The following GPR137 variants were observed in gnomAD, a reference collection of about 807,000 sequenced individuals.
The protein encoded by GPR137 is integral membrane protein GPR137.
GPR137 carries 20 observed loss-of-function variants against 38.9 expected under a neutral mutation model. That is an observed-to-expected ratio of 0.51 (90% CI 0.36 to 0.75). GPR137 has a LOEUF of 0.75. GPR137 is among the 30% of genes least tolerant of loss of function. The pLI, the probability that GPR137 is intolerant of heterozygous loss-of-function variation, is 0.00. For missense variants in GPR137, 456 were observed against 526.4 expected (o/e 0.87, Z 1.31); for synonymous variants, 226 against 235.8 (o/e 0.96, Z 0.38).
At position 64,288,508 on chromosome 11, in the gene GPR137, G is replaced by T. The variant is rs1353570975; in HGVS notation, c.912+40G>T. 2 of 1,613,006 alleles carry T rather than the reference G, an allele frequency of 1.2e-6. No individual in the cohort carries two copies. The highest frequency in any genetic ancestry group is 4.5e-5 in the East Asian group (2 of 44,874). ...CCTCTTCTGTGGGGCCAGTGGAGGG[G>T]GCGGATGTTGCAAATCCTGGGTTGG... On this transcript the variant is annotated intron_variant, in intron 5 of 6. Coordinates refer to ENST00000438980, the MANE Select transcript of GPR137 (RefSeq NM_001170880.2). The surrounding 1 kb of genome is among the most constrained non-coding windows in gnomAD (Gnocchi z 5.5).
At chr11:64,285,835 G>T, upstream of GPR137, 1 of 985,154 alleles carries the variant, frequency 1.0e-6, no homozygotes, top group Non-Finnish European at 1.2e-6. Flanking sequence ...CAGGCGCGGA[G>T]GGGGAGGGGG....
At chr11:64,281,252 C>T (rs938050966), upstream of GPR137, among the ~76,000 whole-genome samples, 18 of 152,348 alleles carry the variant, frequency 1.2e-4, no homozygotes, top group Non-Finnish European at 2.4e-4. Context: ...AGGCGTGAGC[C>T]ACCGCGCCCA....
upstream of GPR137, among the ~76,000 whole-genome samples, chr11:64,279,635 T>C (rs1435406749): frequency 1.3e-5 from 2 of 151,502 alleles, no homozygotes; most frequent in South Asian, 2.1e-4. Flanking sequence ...GCATGGTGCA[T>C]GCCTGTAATC....
In GPR137 at chr11:64,288,456, C is replaced by T; in HGVS notation, c.900C>T (p.Pro300=). The T allele has an allele frequency of 1.2e-6, 2 of 1,613,342 alleles. No individual in the cohort carries two copies. The highest frequency in any genetic ancestry group is 1.7e-6 in the Non-Finnish European group (2 of 1,179,934). ...LLVGFFRVHR[P]PQDLSTSHIL... The stretch of plus-strand genomic sequence containing the variant: ...TGGGCTTCTTCCGGGTGCACCGGCC[C>T]CCACAGGACCTGGTAAGGGTCTGCT... The change falls in exon 5 of 7, where the codon CCC becomes CCT. Residue 300 remains proline (P), a synonymous_variant. Transcript: ENST00000438980. This position sits in a 1 kb window ranked among gnomAD's most constrained non-coding sequence, Gnocchi z 5.5.
chr11:64,271,707 C>T (rs1381857792), upstream of GPR137: 3 of 1,471,216 alleles, frequency 2.0e-6, no homozygotes, highest in African/African-American at 1.5e-5. Flanking sequence ...GCGCGAGCGG[C>T]CCCGAAAGGG....
At chr11:64,283,693 A>C (rs1308083300), upstream of GPR137, among the ~76,000 whole-genome samples, 1 of 152,228 alleles carries the variant, frequency 6.6e-6, no homozygotes, top group Non-Finnish European at 1.5e-5. Flanking sequence ...ATTCTAAGGA[A>C]AGAAACACCA....
chr11:64,287,638 A>G, intron 2 of GPR137, 83 bp from the exon 3 acceptor site: 2 of 1,583,234 alleles, frequency 1.3e-6, no homozygotes, highest in South Asian at 1.1e-5. Flanking sequence ...TTTTGTCGAC[A>G]TTGGGGTTTC....
chr11:64,273,190 T>C (rs1348171238), upstream of GPR137, among the ~76,000 whole-genome samples: 1 of 152,032 alleles, frequency 6.6e-6, no homozygotes. Flanking sequence ...CCTCAAACTC[T>C]GGTGAAACTC....
At chr11:64,284,669 G>T (rs545065054), upstream of GPR137, 7 of 1,535,056 alleles carry the variant, frequency 4.6e-6, no homozygotes, top group African/African-American at 8.2e-5. Context: ...CGGGCCTGCC[G>T]CCTCCCTCCA....
chr11:64,275,744 GC>G (rs2033011775), exon 1 of GPR137: 1 of 152,034 alleles, frequency 6.6e-6, no homozygotes, highest in Non-Finnish European at 1.5e-5. Flanking sequence ...CGGACACAAG[GC>G]CCCACAGGTG....
upstream of GPR137, chr11:64,271,736 C>G (rs375432562): frequency 4.8e-6 from 7 of 1,448,230 alleles, no homozygotes; most frequent in African/African-American, 1.0e-4. Context: ...CCTCCCCCAT[C>G]CCTTCGTCGT....
At position 64,286,467 on chromosome 11, in the gene GPR137, T is replaced by C; in HGVS notation, c.-58T>C. The C allele has an allele frequency of 3.2e-6, 5 of 1,555,906 alleles. No individual in the cohort carries two copies. The East Asian group carries it at 9.0e-5, about 28-fold the overall frequency. On this transcript the variant is annotated 5_prime_UTR_variant, in exon 1 of 7. Coordinates refer to ENST00000438980, the MANE Select transcript of GPR137 (RefSeq NM_001170880.2). Reference sequence around the variant, plus strand: ...TCCCACCCCTCCGTATTTATTTCCCTGGTCCCGCCGACAGTCCCTCCTTGT... The same window carrying C: ...TCCCACCCCTCCGTATTTATTTCCCCGGTCCCGCCGACAGTCCCTCCTTGT...
At chr11:64,280,594 G>A (rs895755336), upstream of GPR137, among the ~76,000 whole-genome samples, 14 of 150,508 alleles carry the variant, frequency 9.3e-5, no homozygotes, top group East Asian at 6.1e-4. Context: ...CTCGTGATCC[G>A]CCCGCCTCGG....
At chr11:64,273,691 C>T (rs76135837), upstream of GPR137, among the ~76,000 whole-genome samples, 31 of 151,696 alleles carry the variant, frequency 2.0e-4, no homozygotes, top group Middle Eastern at 3.4e-3. Context: ...ACCAGACTGA[C>T]CAAGATGGTA....
chr11:64,270,990 A>T, upstream of GPR137, among the ~76,000 whole-genome samples: 1 of 81,238 alleles, frequency 1.2e-5, no homozygotes. Context: ...ACACACACAC[A>T]CACACACACA....
chr11:64,281,124 C>T (rs770911811), upstream of GPR137, among the ~76,000 whole-genome samples: 8 of 152,318 alleles, frequency 5.3e-5, no homozygotes, highest in Non-Finnish European at 1.2e-4. Context: ...CCCACCACCA[C>T]GCCCAGAGAA....
rs577812067 is a variant in GPR137, at chr11:64,288,706, G to A, written c.1016G>A (p.Arg339Gln). Residue 339 changes from arginine to glutamine, a missense_variant, in exon 6 of 7, where the codon CGG (arginine) becomes CAG (glutamine). Coordinates refer to ENST00000438980, the MANE Select transcript of GPR137 (RefSeq NM_001170880.2). The surrounding 1 kb of genome is among the most constrained non-coding windows in gnomAD (Gnocchi z 5.5). ...EDEGCSWEHS[R>Q]GESTSMSGSL... ...GAGGGCTGCTCCTGGGAGCACAGCCGGGGTGAGAGCACCAGGTAGGAGCCG... is the reference window on the plus strand; with the variant it reads ...GAGGGCTGCTCCTGGGAGCACAGCCAGGGTGAGAGCACCAGGTAGGAGCCG... The A allele has an allele frequency of 3.4e-5, 54 of 1,566,386 alleles. No homozygotes were observed. The highest frequency in any genetic ancestry group is 1.7e-4 in the Admixed American group (9 of 53,272).
intron 2 of GPR137, 52 bp downstream of exon 2, chr11:64,287,066 C>G (rs923481540): frequency 1.3e-6 from 2 of 1,592,922 alleles, no homozygotes; most frequent in African/African-American, 2.7e-5. Flanking sequence ...GGGCAGGTGA[C>G]AGTCCCATGT....
In GPR137 at chr11:64,289,364, A is replaced by G; in HGVS notation, c.*168A>G. On this transcript the variant is annotated 3_prime_UTR_variant, in exon 7 of 7. Transcript: ENST00000438980. ...CATAGTGAGCTTGTGCCGTCCCCCT[A>G]GGATGGGGGGCATGGCCCTGGCTGC... is the stretch of plus-strand genomic sequence containing the variant. The G allele has an allele frequency of 1.3e-6, 2 of 1,577,532 alleles. No individual in the cohort carries two copies.
Sources: gnomAD v4.1 joint callset for allele counts (sites outside exome capture counted in the v4.1 genomes callset) on GRCh38, gnomAD v4.1.1 for gene constraint, Gnocchi (gnomAD v3.1) non-coding constraint, MANE v1.5 for transcripts, NCBI Gene and HGNC (gene_info 2026-07-23, HGNC 2026-07-21) for gene names.